CFAP299: variants seen among roughly 807,000 people sequenced by gnomAD.
CFAP299 encodes cilia and flagella associated protein 299.
CFAP299 carries 21 observed loss-of-function variants against 27.0 expected under a neutral mutation model. That is an observed-to-expected ratio of 0.78 (90% CI 0.55 to 1.12). The LOEUF is 1.12. Among genes scored for constraint, CFAP299 ranks in the 50% most tolerant of loss-of-function variants. CFAP299 has a pLI of 0.00. For missense variants in CFAP299, 310 were observed against 276.6 expected, an observed-to-expected ratio of 1.12 and a Z score of -0.86; for synonymous variants, 104 against 98.1, an observed-to-expected ratio of 1.06 and a Z score of -0.36.
At chr4:80,606,306 G>A (rs1322821699) in intron 3 of CFAP299, among the ~76,000 whole-genome samples, 5 of 152,172 alleles carry the variant, frequency 3.3e-5, no homozygotes, top group African/African-American at 9.7e-5. Flanking sequence ...GGAGGCCAAG[G>A]CGGGTGGATC....
At position 80,365,684 on chromosome 4, in the gene CFAP299, A is replaced by G. The variant is rs141459509; in HGVS notation, c.242+2800A>G. On this transcript the variant is annotated intron_variant, in intron 2 of 5. Coordinates refer to ENST00000358105, the MANE Select transcript of CFAP299 (RefSeq NM_152770.3). ...GGGAGAGTCTTTTCTTTTTGTGAGA[A>G]TCAGTCAATGTCTATCAGTCAGAAG... Among the ~76,000 whole-genome samples, 947 of 152,350 alleles carry G rather than the reference A, an allele frequency of 6.2e-3. 2 individuals carry two copies. Among genetic ancestry groups the G allele is most frequent in the Middle Eastern group, 0.024 (7 of 294 alleles).
chr4:80,739,666 T>C (rs1210218420), intron 3 of CFAP299, among the ~76,000 whole-genome samples: 1 of 152,064 alleles, frequency 6.6e-6, no homozygotes, highest in Non-Finnish European at 1.5e-5. Flanking sequence ...ATAGTCTTCT[T>C]TGGGTTAAAT....
At chr4:80,907,117 A>G (rs1322145544) in intron 4 of CFAP299, among the ~76,000 whole-genome samples, 1 of 152,170 alleles carries the variant, frequency 6.6e-6, no homozygotes, top group Non-Finnish European at 1.5e-5. Context: ...TCAAAGTCCC[A>G]CAGACCTCTA....
intron 3 of CFAP299, among the ~76,000 whole-genome samples, chr4:80,584,358 A>C (rs1314555224): frequency 4.6e-5 from 7 of 152,068 alleles, no homozygotes; most frequent in Non-Finnish European, 1.5e-5. Context: ...GGATGCTTTA[A>C]TGAAGATGTA....
chr4:80,885,247 G>C (rs1010613886), intron 4 of CFAP299, among the ~76,000 whole-genome samples: 7 of 152,196 alleles, frequency 4.6e-5, no homozygotes, highest in Admixed American at 3.9e-4. Flanking sequence ...ACTACAAGCT[G>C]AAGTGCTCTG....
intron 2 of CFAP299, among the ~76,000 whole-genome samples, chr4:80,494,289 C>A (rs1731318762): frequency 6.6e-6 from 1 of 152,220 alleles, no homozygotes; most frequent in Admixed American, 6.5e-5. Context: ...TCCTCACTAT[C>A]TTCCCACCAG....
At chr4:80,769,996 C>G (rs1304428581) in intron 3 of CFAP299, among the ~76,000 whole-genome samples, 3 of 152,144 alleles carry the variant, frequency 2.0e-5, no homozygotes, top group Non-Finnish European at 4.4e-5. Context: ...CCCTCTGAGT[C>G]ATCCTTCCTT....
intron 4 of CFAP299, among the ~76,000 whole-genome samples, chr4:80,919,985 T>G (rs1192964172): frequency 6.6e-6 from 1 of 152,132 alleles, no homozygotes; most frequent in Non-Finnish European, 1.5e-5. Flanking sequence ...TGACCTGTTT[T>G]AAAAATTCTT....
intron 4 of CFAP299, among the ~76,000 whole-genome samples, chr4:80,880,463 G>A (rs1052598960): frequency 6.6e-6 from 1 of 152,148 alleles, no homozygotes. Flanking sequence ...CAGGTGTAGT[G>A]GCTCACGCCT....
intron 3 of CFAP299, among the ~76,000 whole-genome samples, chr4:80,595,432 C>A (rs1031819656): frequency 2.6e-5 from 4 of 152,184 alleles, no homozygotes; most frequent in African/African-American, 9.6e-5. Context: ...TTTTGTTCTT[C>A]CACAAAGTAA....
chr4:80,621,426 A>G (rs1738600851), intron 3 of CFAP299, among the ~76,000 whole-genome samples: 1 of 152,040 alleles, frequency 6.6e-6, no homozygotes, highest in African/African-American at 2.4e-5. Flanking sequence ...ATATTTTGTT[A>G]TTTTTCACTC....
At chr4:80,448,628 T>C (rs967057576) in intron 2 of CFAP299, among the ~76,000 whole-genome samples, 5 of 152,114 alleles carry the variant, frequency 3.3e-5, no homozygotes, top group Non-Finnish European at 5.9e-5. Flanking sequence ...TCTCTGAAAA[T>C]TGGTACAATC....
At position 80,564,699 on chromosome 4, in the gene CFAP299, C is replaced by T. The variant is rs545686721; in HGVS notation, c.243-18394C>T. Among the ~76,000 whole-genome samples, 36 of 151,810 alleles carry T rather than the reference C, an allele frequency of 2.4e-4. 1 individual carries two copies. The highest frequency in any genetic ancestry group is 1.4e-3 in the Admixed American group (22 of 15,224). ...CAGTCAGAAAAGAAAAAGAAATAAACGGCATCCCAATTGTAAAGGAAGTCA... is the reference window on the plus strand; with the variant it reads ...CAGTCAGAAAAGAAAAAGAAATAAATGGCATCCCAATTGTAAAGGAAGTCA... On this transcript the variant is annotated intron_variant, in intron 2 of 5. Coordinates refer to ENST00000358105, the MANE Select transcript of CFAP299 (RefSeq NM_152770.3).
chr4:80,673,342 A>G (rs1328626808), intron 3 of CFAP299, among the ~76,000 whole-genome samples: 1 of 152,102 alleles, frequency 6.6e-6, no homozygotes, highest in African/African-American at 2.4e-5. Context: ...CTTAATCCTG[A>G]GTTCTACTTT....
At chr4:80,490,766 T>C (rs1731078345) in intron 2 of CFAP299, among the ~76,000 whole-genome samples, 1 of 152,198 alleles carries the variant, frequency 6.6e-6, no homozygotes. Context: ...ATTCAATGCA[T>C]TAAGTAGTGA....
At position 80,456,403 on chromosome 4, in the gene CFAP299, G is replaced by A. The variant is rs564220780; in HGVS notation, c.242+93519G>A. The stretch of plus-strand genomic sequence containing the variant: ...CAAGAAGGCAAGCAGGGAGAGCAGC[G>A]AGAGGCTTTGTAATAAGCCAAGCAA... On this transcript the variant is annotated intron_variant, in intron 2 of 5. Transcript: ENST00000358105. Among the ~76,000 whole-genome samples, 9 of 152,170 alleles carry A rather than the reference G, an allele frequency of 5.9e-5. No individual in the cohort carries two copies. In the East Asian group the frequency reaches 9.7e-4, roughly 16 times the overall value.
chr4:80,795,706 A>G (rs1215070007), intron 3 of CFAP299, among the ~76,000 whole-genome samples: 1 of 152,112 alleles, frequency 6.6e-6, no homozygotes, highest in Non-Finnish European at 1.5e-5. Flanking sequence ...GCTGTGCATG[A>G]CCCACTTTAT....
intron 4 of CFAP299, among the ~76,000 whole-genome samples, chr4:80,913,891 T>C (rs1352642106): frequency 6.6e-6 from 1 of 152,184 alleles, no homozygotes; most frequent in East Asian, 1.9e-4. Context: ...GATCCACTTT[T>C]TTAGTACTAT....
At chr4:80,570,983 A>G (rs979795032) in intron 2 of CFAP299, among the ~76,000 whole-genome samples, 1 of 152,170 alleles carries the variant, frequency 6.6e-6, no homozygotes, top group African/African-American at 2.4e-5. Flanking sequence ...GGTTTCATTT[A>G]TAGAAAGTTC....
Sources: gnomAD v4.1 joint callset for allele counts (sites outside exome capture counted in the v4.1 genomes callset) on GRCh38, gnomAD v4.1.1 for gene constraint, MANE v1.5 for transcripts, NCBI Gene and HGNC (gene_info 2026-07-23, HGNC 2026-07-21) for gene names.